Variants in CFC1 observed in about 807,000 individuals in gnomAD.
CFC1 encodes the protein cryptic, EGF-CFC family member 1, also known as cryptic protein.
For synonymous variants in CFC1, 8 were observed against 50.7 expected (o/e 0.16, Z 3.58); for missense variants, 14 against 120.0 (o/e 0.12, Z 4.13).
At chr2:130,595,598 C>T (rs1300085631) in intron 5 of CFC1, among the ~76,000 whole-genome samples, 8 of 144,526 alleles carry the variant, frequency 5.5e-5, no homozygotes, top group Admixed American at 2.0e-4. Flanking sequence ...GTTAGCTGGG[C>T]GTGGTGGCAG....
intron 5 of CFC1, among the ~76,000 whole-genome samples, chr2:130,595,757 G>A (rs1684948632): frequency 6.6e-6 from 1 of 151,286 alleles, no homozygotes; most frequent in South Asian, 2.1e-4. Flanking sequence ...AAGACTACAG[G>A]AATGGCACAA....
In CFC1 at chr2:130,592,636, GCTAA is replaced by G. The variant is rs1249156335; in HGVS notation, c.*237_*240del. On this transcript the variant is annotated 3_prime_UTR_variant, in exon 6 of 6. Coordinates refer to ENST00000259216, the MANE Select transcript of CFC1 (RefSeq NM_032545.4). ...AAGGGAGATGTTGTGAAAGGAAGGTGCTAACTGTCAGGGGAAGGTGGCGGTGCCA... is the reference window on the plus strand; with the variant it reads ...AAGGGAGATGTTGTGAAAGGAAGGTGCTGTCAGGGGAAGGTGGCGGTGCCA... The G allele has an allele frequency of 5.3e-4, 88 of 165,188 alleles. No individual in the cohort carries two copies. The highest frequency in any genetic ancestry group is 5.6e-3 in the Middle Eastern group (2 of 360). The allele number at this position is 165,188 out of a possible 1,614,324, so 10.2% of individuals were successfully genotyped here.
intron 5 of CFC1, among the ~76,000 whole-genome samples, chr2:130,595,729 C>CTT (rs1398058000): frequency 1.3e-5 from 2 of 151,214 alleles, no homozygotes; most frequent in African/African-American, 2.5e-5. Context: ...CAGAGTGAGA[C>CTT]TCCATCTCAA....
chr2:130,596,514 CA>C (rs1474285881), intron 5 of CFC1, among the ~76,000 whole-genome samples: 1 of 150,344 alleles, frequency 6.7e-6, no homozygotes, highest in East Asian at 1.9e-4. Flanking sequence ...GTCTGCACGG[CA>C]GGCGGGGAGT....
rs546455252 is a variant in CFC1 at position 130,595,287 on chromosome 2, A to AT, written c.472+2206dup. 7.7e-3 allele frequency among the ~76,000 whole-genome samples: 1,153 copies of AT among 150,464 alleles called. 119 individuals are homozygous for AT. The highest frequency in any genetic ancestry group is 0.027 in the African/African-American group (1,091 of 39,708). ...AGGTGCTCGTCACCACACCTGGCTA[A>AT]TTTTTTGTAGAGACAGGTCTTGCTA... On this transcript the variant is annotated intron_variant, in intron 5 of 5. Coordinates refer to ENST00000259216, the MANE Select transcript of CFC1 (RefSeq NM_032545.4).
Position 130,592,418 on chromosome 2 carries a change from G to A in CFC1, c.*459C>T, listed in dbSNP as rs1319886274. 1 of 222,666 alleles carries A rather than the reference G, an allele frequency of 4.5e-6. No homozygotes were observed. The highest frequency in any genetic ancestry group is 8.9e-6 in the Non-Finnish European group (1 of 112,332). The allele number at this position is 222,666 out of a possible 1,614,324, so 13.8% of individuals were successfully genotyped here. A position where few individuals can be genotyped will look rare whatever the true frequency, so the allele number is the denominator to read the frequency against. On this transcript the variant is annotated 3_prime_UTR_variant, in exon 6 of 6. Transcript: ENST00000259216. ...TTCCGCATGGCCAAGCCTTTGTGGT[G>A]TCGCCGGGCCTGGCGTCCTCAGCTA...
intron 5 of CFC1, among the ~76,000 whole-genome samples, chr2:130,594,257 G>A (rs1407970674): frequency 6.7e-6 from 1 of 148,330 alleles, no homozygotes; most frequent in East Asian, 1.9e-4. Context: ...AGAGAGGATT[G>A]TTCCAGGGGT....
At chr2:130,593,345 C>A (rs1412840925) in intron 5 of CFC1, among the ~76,000 whole-genome samples, 16 of 152,292 alleles carry the variant, frequency 1.1e-4, no homozygotes, top group Non-Finnish European at 1.9e-4. Flanking sequence ...GAAGAACAGC[C>A]CTTCCGTCTT....
At chr2:130,598,415 T>C (rs1487105436) in intron 3 of CFC1, among the ~76,000 whole-genome samples, 2 of 150,470 alleles carry the variant, frequency 1.3e-5, no homozygotes, top group Non-Finnish European at 2.9e-5. Context: ...AAAATAACCA[T>C]TGAAGAGCAA....
intron 5 of CFC1, among the ~76,000 whole-genome samples, chr2:130,595,630 C>T (rs1573958757): frequency 6.8e-6 from 1 of 146,304 alleles, no homozygotes; most frequent in East Asian, 2.0e-4. Context: ...CCCAGCTACT[C>T]AGGAAGCTGA....
intron 5 of CFC1, among the ~76,000 whole-genome samples, chr2:130,594,146 A>T (rs1486399654): frequency 6.6e-6 from 1 of 151,700 alleles, no homozygotes; most frequent in Non-Finnish European, 1.5e-5. Flanking sequence ...TGCAGCAAGA[A>T]CCACTCTACA....
intron 5 of CFC1, among the ~76,000 whole-genome samples, chr2:130,594,369 G>A (rs1414162855): frequency 5.6e-5 from 8 of 143,278 alleles, no homozygotes; most frequent in Non-Finnish European, 1.0e-4. Context: ...CTATTCAGGT[G>A]AGAAAGGGGT....
At chr2:130,594,067 C>T (rs1244487308) in intron 5 of CFC1, among the ~76,000 whole-genome samples, 6 of 149,748 alleles carry the variant, frequency 4.0e-5, no homozygotes, top group African/African-American at 1.5e-4. Flanking sequence ...CAGGAGATGT[C>T]CTCTGGACTT....
chr2:130,594,342 G>A (rs1467620542), intron 5 of CFC1, among the ~76,000 whole-genome samples: 15 of 146,438 alleles, frequency 1.0e-4, no homozygotes, highest in African/African-American at 2.5e-4. Flanking sequence ...TAAGACAGGC[G>A]CTCACAGCAT....
At chr2:130,595,894 A>G (rs1684952589) in intron 5 of CFC1, among the ~76,000 whole-genome samples, 1 of 91,222 alleles carries the variant, frequency 1.1e-5, no homozygotes, top group African/African-American at 5.5e-5. Flanking sequence ...ATGGGTATAT[A>G]AAGTGCCTGA....
In CFC1 at chr2:130,598,928, T is replaced by G. The variant is rs1685024971; in HGVS notation, c.55A>C (p.Ile19Leu). ...TTCTTACTGTTTCCCAAATTGATGA[T>G]CTGTAATGCCAAACTGACCGTAAAC... ...LLFTVSLALQ[I>L]INLGNSYQRE... The change falls in exon 2 of 6, where the codon ATC becomes CTC. Residue 19 changes from isoleucine (I) to leucine (L), a missense_variant. Coordinates refer to ENST00000259216, the MANE Select transcript of CFC1 (RefSeq NM_032545.4). 2 of 1,038,588 alleles carry G rather than the reference T, an allele frequency of 1.9e-6. No homozygotes were observed. Among genetic ancestry groups the G allele is most frequent in the Non-Finnish European group, 2.8e-6 (2 of 712,564 alleles). The allele number at this position is 1,038,588 out of a possible 1,614,324, so 64.3% of individuals were successfully genotyped here.
At chr2:130,596,831 G>A (rs1337850822) in intron 5 of CFC1, among the ~76,000 whole-genome samples, 1 of 146,304 alleles carries the variant, frequency 6.8e-6, no homozygotes, top group Non-Finnish European at 1.5e-5. Context: ...TTGCGGGGCT[G>A]TGCTCTTTGA....
chr2:130,594,541 G>A lies in CFC1; in HGVS notation c.473-1465C>T, dbSNP rs1344541939. ...TGTAGACTGGGTCTGGCCCACGGAT[G>A]TTTGTTTGCTTGTTGGTTGGTTGGT... On this transcript the variant is annotated intron_variant, in intron 5 of 5. Coordinates refer to ENST00000259216, the MANE Select transcript of CFC1 (RefSeq NM_032545.4). Among the ~76,000 whole-genome samples, 3 of 134,522 alleles carry A rather than the reference G, an allele frequency of 2.2e-5. No homozygotes were observed. In the East Asian group the frequency reaches 5.9e-4, roughly 26 times the overall value. The allele number at this position is 134,522 out of a possible 152,430, so 88.3% of individuals were successfully genotyped here.
chr2:130,594,182 C>G (rs185056892), intron 5 of CFC1, among the ~76,000 whole-genome samples: 10 of 151,676 alleles, frequency 6.6e-5, no homozygotes, highest in Admixed American at 5.9e-4. Flanking sequence ...GCTGTGGTAG[C>G]ATTGGCCAGG....
Sources: allele counts gnomAD v4.1 joint callset (sites outside exome capture counted in the v4.1 genomes callset), GRCh38; gene constraint gnomAD v4.1.1; transcripts MANE v1.5; gene names NCBI Gene and HGNC (gene_info 2026-07-23, HGNC 2026-07-21).